The following AFG2A variants were observed in gnomAD, a reference collection of about 807,000 sequenced individuals.
AFG2A encodes the protein AAA ATPase AFG2A, also known as ATPase family gene 2 protein homolog A.
the AFG2A span, among the ~76,000 whole-genome samples, chr4:123,137,751 T>A: frequency 1.3e-5 from 2 of 152,210 alleles, no homozygotes; most frequent in South Asian, 4.1e-4. Flanking sequence ...CCGTTTTTCA[T>A]TCTTCGGTTT....
the AFG2A span, among the ~76,000 whole-genome samples, chr4:123,083,809 G>T: frequency 6.6e-6 from 1 of 151,864 alleles, no homozygotes; most frequent in Non-Finnish European, 1.5e-5. Flanking sequence ...TTTGGTTTTG[G>T]TATTCGTCTA....
the AFG2A span, among the ~76,000 whole-genome samples, chr4:123,178,620 A>G: frequency 6.6e-6 from 1 of 152,142 alleles, no homozygotes; most frequent in African/African-American, 2.4e-5. Flanking sequence ...GAAAATTTCT[A>G]TGTGTTTTCT....
the AFG2A span, among the ~76,000 whole-genome samples, chr4:123,081,592 C>T: frequency 6.6e-6 from 1 of 152,170 alleles, no homozygotes; most frequent in African/African-American, 2.4e-5. Context: ...CTTCTGGGAA[C>T]ATCTGTGTGC....
chr4:123,004,976 A>G, the AFG2A span, among the ~76,000 whole-genome samples: 1 of 152,068 alleles, frequency 6.6e-6, no homozygotes, highest in South Asian at 2.1e-4. Context: ...TGTTTCACCT[A>G]AGTTGTTGAA....
At chr4:123,209,923 A>G in the AFG2A span, among the ~76,000 whole-genome samples, 1 of 151,980 alleles carries the variant, frequency 6.6e-6, no homozygotes, top group Admixed American at 6.6e-5. Context: ...GGGTTTTGAT[A>G]ATACTGTCTC....
the AFG2A span, among the ~76,000 whole-genome samples, chr4:123,151,439 C>G: frequency 6.6e-6 from 1 of 152,032 alleles, no homozygotes; most frequent in African/African-American, 2.4e-5. Context: ...AACAAACATT[C>G]CCATCAAAAA....
At chr4:123,051,224 C>G in the AFG2A span, among the ~76,000 whole-genome samples, 1 of 151,530 alleles carries the variant, frequency 6.6e-6, no homozygotes, top group African/African-American at 2.4e-5. Context: ...TCTCTGGTAG[C>G]ATGTTTTAAT....
chr4:123,282,967 A>G, the AFG2A span, among the ~76,000 whole-genome samples: 3 of 152,118 alleles, frequency 2.0e-5, no homozygotes, highest in Non-Finnish European at 4.4e-5. Context: ...AACACTTAAT[A>G]TATGAAAATG....
At chr4:123,314,080 C>G in the AFG2A span, 2 of 1,474,008 alleles carry the variant, frequency 1.4e-6, no homozygotes, top group Non-Finnish European at 9.0e-7. Context: ...TATATATATT[C>G]AAGATGCTGA....
chr4:123,180,978 C>CTTTTTTTTTTTTT, the AFG2A span, among the ~76,000 whole-genome samples: 5 of 118,366 alleles, frequency 4.2e-5, no homozygotes, highest in Non-Finnish European at 3.4e-5. Flanking sequence ...TCCTCCCCCT[C>CTTTTTTTTTTTTT]TTTTTTTTTT....
At chr4:123,209,433 T>C in the AFG2A span, among the ~76,000 whole-genome samples, 7 of 152,192 alleles carry the variant, frequency 4.6e-5, no homozygotes, top group East Asian at 3.9e-4. Flanking sequence ...TTTTTTCAAC[T>C]CATATCCTCC....
At chr4:122,930,680 A>C in the AFG2A span, among the ~76,000 whole-genome samples, 2 of 152,278 alleles carry the variant, frequency 1.3e-5, no homozygotes, top group Non-Finnish European at 2.9e-5. Flanking sequence ...GAACTTGCCT[A>C]ATATTTTATG....
the AFG2A span, among the ~76,000 whole-genome samples, chr4:122,969,984 C>T: frequency 6.6e-6 from 1 of 152,142 alleles, no homozygotes; most frequent in Non-Finnish European, 1.5e-5. Flanking sequence ...AAATTCCTAT[C>T]ATCCAGTGAC....
At chr4:123,011,485 GAA>G in the AFG2A span, among the ~76,000 whole-genome samples, 1 of 152,256 alleles carries the variant, frequency 6.6e-6, no homozygotes, top group Middle Eastern at 3.4e-3. Flanking sequence ...GCGTCCCTGT[GAA>G]GAGACCACCA....
the AFG2A span, among the ~76,000 whole-genome samples, chr4:123,098,362 AT>A: frequency 2.0e-4 from 31 of 152,046 alleles, no homozygotes; most frequent in Non-Finnish European, 3.7e-4. Context: ...CATACTTCTT[AT>A]TTTTTTGTGA....
chr4:123,108,855 G>A, the AFG2A span, among the ~76,000 whole-genome samples: 1 of 152,010 alleles, frequency 6.6e-6, no homozygotes, highest in Non-Finnish European at 1.5e-5. Context: ...CTATAGTTTG[G>A]GGCTTAACGC....
chr4:123,180,138 C>T, the AFG2A span, among the ~76,000 whole-genome samples: 3 of 152,026 alleles, frequency 2.0e-5, no homozygotes, highest in East Asian at 1.9e-4. Context: ...GAGAATCGCT[C>T]GAACCCAGGA....
At chr4:123,032,798 C>T in the AFG2A span, among the ~76,000 whole-genome samples, 124,405 of 152,220 alleles carry the variant, frequency 0.82, 52,460 homozygotes, top group East Asian at 0.97. Flanking sequence ...CCACAGCTCC[C>T]GGTCAGCCAT....
At chr4:122,950,938 G>T in the AFG2A span, among the ~76,000 whole-genome samples, 4 of 152,196 alleles carry the variant, frequency 2.6e-5, no homozygotes, top group Non-Finnish European at 4.4e-5. Context: ...ATAGTGGCAG[G>T]CTCCAATTCT....
Sources: gnomAD v4.1 joint callset for allele counts (sites outside exome capture counted in the v4.1 genomes callset) on GRCh38, gnomAD v4.1.1 for gene constraint, MANE v1.5 for transcripts, NCBI Gene and HGNC (gene_info 2026-07-23, HGNC 2026-07-21) for gene names.